PSMG4: variants seen among roughly 807,000 people sequenced by gnomAD.
The protein encoded by PSMG4 is proteasome (prosome, macropain) assembly chaperone 4.
PSMG4 carries 10 observed loss-of-function variants against 11.0 expected under a neutral mutation model. That is an observed-to-expected ratio of 0.91 (90% CI 0.56 to 1.54). PSMG4 has a LOEUF of 1.54. Ranked by LOEUF, PSMG4 falls within the 40% of genes most tolerant of loss-of-function variation. The probability of loss-of-function intolerance (pLI) is 0.00; values close to 1 mark genes in which losing one functional copy is unlikely to be tolerated. For synonymous variants in PSMG4, 95 were observed against 71.3 expected, an observed-to-expected ratio of 1.33 and a Z score of -1.68; for missense variants, 198 against 160.9, an observed-to-expected ratio of 1.23 and a Z score of -1.25.
At chr6:3,256,761 A>G (rs915113203), upstream of PSMG4, among the ~76,000 whole-genome samples, 1 of 152,242 alleles carries the variant, frequency 6.6e-6, no homozygotes, top group Non-Finnish European at 1.5e-5. Flanking sequence ...GTTGTTCTGC[A>G]CTGGGGCAAA....
chr6:3,261,170 ACCTGGGAAGGC>A (rs1561841508), intron 1 of PSMG4, among the ~76,000 whole-genome samples: 1 of 152,182 alleles, frequency 6.6e-6, no homozygotes, highest in Non-Finnish European at 1.5e-5. Context: ...GCACAGCGGC[ACCTGGGAAGGC>A]CTTGGGAAGG....
Position 3,259,119 on chromosome 6 carries a change from C to T in PSMG4, c.97C>T (p.Leu33=). The change falls in exon 1 of 3, where the codon CTG becomes TTG. Residue 33 remains leucine (L), a synonymous_variant. Coordinates refer to ENST00000438998, the MANE Select transcript of PSMG4 (RefSeq NM_001128591.2). ...EQLVHFHVMR[L]TDSLFLWVGA... ...GCTGGTCCACTTCCACGTCATGCGGCTGACGGACTCGCTGTTCCTGTGGGT... is the reference window on the plus strand; with the variant it reads ...GCTGGTCCACTTCCACGTCATGCGGTTGACGGACTCGCTGTTCCTGTGGGT... 2 of 1,283,600 alleles carry T rather than the reference C, an allele frequency of 1.6e-6. No individual in the cohort carries two copies. Among genetic ancestry groups the T allele is most frequent in the Non-Finnish European group, 9.9e-7 (1 of 1,013,860 alleles). 79.5% of individuals were successfully genotyped at this position (1,283,600 alleles called of 1,614,324 possible).
chr6:3,264,829 T>A (rs894950714), intron 2 of PSMG4: 20 of 156,978 alleles, frequency 1.3e-4, no homozygotes, highest in Non-Finnish European at 2.2e-4. Context: ...TGTATCTTTT[T>A]TTTTCTGAGC....
intron 1 of PSMG4, among the ~76,000 whole-genome samples, chr6:3,260,615 A>G (rs912020520): frequency 1.3e-5 from 2 of 152,196 alleles, no homozygotes; most frequent in African/African-American, 4.8e-5. Context: ...TGCCGGGATT[A>G]TAGGCGTTAG....
At chr6:3,258,849 C>A, upstream of PSMG4, 1 of 551,720 alleles carries the variant, frequency 1.8e-6, no homozygotes, top group Non-Finnish European at 2.7e-6. Flanking sequence ...CTCGACCACG[C>A]CCCCAACCCA....
upstream of PSMG4, chr6:3,258,939 C>T (rs931639191): frequency 1.1e-5 from 13 of 1,194,942 alleles, 2 homozygotes; most frequent in South Asian, 4.2e-4. Flanking sequence ...CTCGGTCTCT[C>T]GGTGCTCGCT....
rs1180854737 is a variant in PSMG4 at position 3,266,905 on chromosome 6, G to A, written c.251-686G>A. On this transcript the variant is annotated intron_variant, in intron 2 of 2. Transcript: ENST00000438998. ...GAGTCTTGCTCTATTGCCCAGGCTG[G>A]AGTGCAGTGGCGCGATCTTGGCTCA... 3 of 151,474 alleles carry A rather than the reference G, an allele frequency of 2.0e-5. No individual in the cohort carries two copies. In the South Asian group the frequency reaches 6.3e-4, roughly 32 times the overall value. 9.4% of individuals were successfully genotyped at this position (151,474 alleles called of 1,614,324 possible).
chr6:3,264,075 A>G, intron 2 of PSMG4: 1 of 1,461,472 alleles, frequency 6.8e-7, no homozygotes, highest in Non-Finnish European at 9.1e-7. Flanking sequence ...GGAGAGCATG[A>G]GAAGTGCCCA....
upstream of PSMG4, chr6:3,255,125 A>C (rs755794763): frequency 6.4e-7 from 1 of 1,551,030 alleles, no homozygotes; most frequent in Non-Finnish European, 8.7e-7. Context: ...CCAGCTTACC[A>C]CGTATTGGTC....
At chr6:3,267,423 G>A (rs1758237087) in intron 2 of PSMG4, 168 bp from the exon 3 acceptor site, 9 of 647,530 alleles carry the variant, frequency 1.4e-5, no homozygotes, top group Admixed American at 1.3e-4. Context: ...TGAGTGACTC[G>A]TCTGCATTTG....
chr6:3,259,139 G>C lies in PSMG4; in HGVS notation c.117G>C (p.Leu39=). The C allele has an allele frequency of 3.1e-6, 4 of 1,300,830 alleles. No individual in the cohort carries two copies. In the South Asian group the frequency reaches 9.8e-5, roughly 32 times the overall value. The allele number at this position is 1,300,830 out of a possible 1,614,324, so 80.6% of individuals were successfully genotyped here. Residue 39 remains leucine, a synonymous_variant, in exon 1 of 3, where the codon CTG becomes CTC. Coordinates refer to ENST00000438998, the MANE Select transcript of PSMG4 (RefSeq NM_001128591.2). ...TGCGGCTGACGGACTCGCTGTTCCT[G>C]TGGGTGGGGGCCACGCCGCACCTGC... ...HVMRLTDSLF[L]WVGATPHLRN... is the part of the protein sequence containing the mutation.
intron 1 of PSMG4, among the ~76,000 whole-genome samples, chr6:3,259,654 T>A (rs1757898924): frequency 6.6e-6 from 1 of 152,246 alleles, no homozygotes; most frequent in South Asian, 2.1e-4. Flanking sequence ...GGCGCTGTGA[T>A]GGCAGCTCCA....
chr6:3,257,482 T>C (rs759929560), upstream of PSMG4, among the ~76,000 whole-genome samples: 1 of 152,222 alleles, frequency 6.6e-6, no homozygotes, highest in Non-Finnish European at 1.5e-5. Context: ...CTTTGGGTCC[T>C]CCTAGCTGAT....
At position 3,263,708 on chromosome 6, in the gene PSMG4, C is replaced by T. The variant is rs537732543; in HGVS notation, c.199C>T (p.Leu67Phe). ...RYDSIPVSTS[L>F]LGDTSDTTST... ...GGACTCCATCCCCGTGTCTACCTCCCTCCTTGGAGACACTTCCGACACGAC... is the reference window on the plus strand; with the variant it reads ...GGACTCCATCCCCGTGTCTACCTCCTTCCTTGGAGACACTTCCGACACGAC... The change falls in exon 2 of 3, where the codon CTC becomes TTC. Residue 67 changes from leucine to phenylalanine, a missense_variant. Coordinates refer to ENST00000438998, the MANE Select transcript of PSMG4 (RefSeq NM_001128591.2). The T allele has an allele frequency of 2.6e-6, 4 of 1,550,862 alleles. No homozygotes were observed. Among genetic ancestry groups the T allele is most frequent in the Admixed American group, 3.9e-5 (2 of 50,902 alleles).
At chr6:3,256,104 G>A (rs1213171746), upstream of PSMG4, among the ~76,000 whole-genome samples, 1 of 152,164 alleles carries the variant, frequency 6.6e-6, no homozygotes, top group African/African-American at 2.4e-5. Flanking sequence ...TTTGGCTCCT[G>A]AAGGGTGGCA....
At chr6:3,255,046 G>A (rs112268663), upstream of PSMG4, 12,771 of 1,550,460 alleles carry the variant, frequency 8.2e-3, 731 homozygotes, top group African/African-American at 0.13. Flanking sequence ...TGATTCTCTG[G>A]ACAGGAACAA....
chr6:3,264,083 C>T lies in PSMG4; in HGVS notation c.250+324C>T, dbSNP rs148443412. 1,217 of 1,479,014 alleles carry T rather than the reference C, an allele frequency of 8.2e-4. 11 individuals carry two copies. In the African/African-American group the frequency reaches 0.015, roughly 19 times the overall value. 91.6% of individuals were successfully genotyped at this position (1,479,014 alleles called of 1,614,324 possible). A position where few individuals can be genotyped will look rare whatever the true frequency, so the allele number is the denominator to read the frequency against. ...CCTGGGAGGAGAGCATGAGAAGTGC[C>T]CACAGCCCCTGTGGGTGGTGGCTCA... On this transcript the variant is annotated intron_variant, in intron 2 of 2. Coordinates refer to ENST00000438998, the MANE Select transcript of PSMG4 (RefSeq NM_001128591.2).
At chr6:3,257,685 A>G (rs1261263294), upstream of PSMG4, among the ~76,000 whole-genome samples, 4 of 152,200 alleles carry the variant, frequency 2.6e-5, no homozygotes, top group Non-Finnish European at 4.4e-5. Flanking sequence ...AAAACTCTGG[A>G]AAATGCAGAC....
chr6:3,264,214 G>A lies in PSMG4; in HGVS notation c.250+455G>A, dbSNP rs543759883. ...CTCAGTGTGATACCGTTCAGGGCTC[G>A]GAGGGAAGACTGGCCTGGCCTGTGA... is the stretch of plus-strand genomic sequence containing the variant. On this transcript the variant is annotated intron_variant, in intron 2 of 2. Coordinates refer to ENST00000438998, the MANE Select transcript of PSMG4 (RefSeq NM_001128591.2). 2.1e-5 allele frequency: 33 copies of A among 1,551,578 alleles called. No homozygotes were observed. The East Asian group carries it at 3.7e-4, about 17-fold the overall frequency.
Sources: allele counts gnomAD v4.1 joint callset (sites outside exome capture counted in the v4.1 genomes callset), GRCh38; gene constraint gnomAD v4.1.1; transcripts MANE v1.5; gene names NCBI Gene and HGNC (gene_info 2026-07-23, HGNC 2026-07-21).